Variants in SAMD12 observed in about 807,000 individuals in gnomAD.
SAMD12 encodes the protein sterile alpha motif domain-containing protein 12.
In SAMD12, 9 loss-of-function variants were observed where a neutral mutation model predicts 15.0. The ratio of observed to expected loss-of-function variants is 0.60; its 90% CI spans 0.36 to 1.05. The LOEUF (loss-of-function observed/expected upper bound fraction) is 1.05, where lower values mean the gene tolerates loss of function less well. SAMD12 is among the 50% of genes least tolerant of loss of function. The pLI is 0.01. For synonymous variants in SAMD12, 86 were observed against 90.1 expected, an observed-to-expected ratio of 0.96 and a Z score of 0.25; for missense variants, 230 against 234.2, an observed-to-expected ratio of 0.98 and a Z score of 0.12.
At chr8:118,143,916 C>A in the SAMD12 span, among the ~76,000 whole-genome samples, 8 of 152,260 alleles carry the variant, frequency 5.3e-5, no homozygotes, top group Non-Finnish European at 1.0e-4. Context: ...CACAAACTTG[C>A]TAGCTCAAAA....
chr8:118,209,221 A>T (rs1462335303), intron 4 of SAMD12, among the ~76,000 whole-genome samples: 1 of 152,200 alleles, frequency 6.6e-6, no homozygotes, highest in African/African-American at 2.4e-5. Flanking sequence ...ATGTCCAGAC[A>T]TTCCAGAAAA....
intron 4 of SAMD12, among the ~76,000 whole-genome samples, chr8:118,342,466 C>T (rs918969480): frequency 2.6e-5 from 4 of 152,100 alleles, no homozygotes; most frequent in Non-Finnish European, 5.9e-5. Flanking sequence ...AAGAGAAAAT[C>T]GAATATCTCC....
chr8:118,172,833 G>A, the SAMD12 span, among the ~76,000 whole-genome samples: 1 of 152,092 alleles, frequency 6.6e-6, no homozygotes. Flanking sequence ...AGGCACTGCT[G>A]TACAACAGAC....
chr8:118,477,396 T>C (rs1180267491), intron 2 of SAMD12, among the ~76,000 whole-genome samples: 2 of 152,266 alleles, frequency 1.3e-5, no homozygotes, highest in South Asian at 4.1e-4. Flanking sequence ...CAATTCAGAA[T>C]GGCTGTTTCA....
At chr8:118,344,212 C>T (rs1340365074) in intron 4 of SAMD12, among the ~76,000 whole-genome samples, 2 of 152,198 alleles carry the variant, frequency 1.3e-5, no homozygotes, top group Non-Finnish European at 2.9e-5. Flanking sequence ...CCCTATCCTG[C>T]TCAGGTTGAA....
At chr8:118,621,599 C>T (rs980773366) in intron 1 of SAMD12, 5 of 618,840 alleles carry the variant, frequency 8.1e-6, no homozygotes, top group African/African-American at 1.8e-5. Context: ...ACGCACCTAC[C>T]CTTCACGTCT....
chr8:118,294,326 T>G (rs1235538628), intron 4 of SAMD12, among the ~76,000 whole-genome samples: 1 of 152,190 alleles, frequency 6.6e-6, no homozygotes, highest in Non-Finnish European at 1.5e-5. Flanking sequence ...CTGAGCAGGC[T>G]GAAAAGACTG....
chr8:118,553,366 G>A (rs1170246744), intron 2 of SAMD12, among the ~76,000 whole-genome samples: 1 of 151,864 alleles, frequency 6.6e-6, no homozygotes, highest in Non-Finnish European at 1.5e-5. Context: ...AGAGCCCTCA[G>A]AAATAACGCC....
downstream of SAMD12, among the ~76,000 whole-genome samples, chr8:118,189,067 G>C (rs17451866): frequency 3.9e-5 from 6 of 152,212 alleles, no homozygotes; most frequent in East Asian, 1.9e-4. Flanking sequence ...AGAGGAAATC[G>C]GTGGGCCAAG....
Position 118,287,367 on chromosome 8 carries a change from C to A in SAMD12, c.434-89635G>T, listed in dbSNP as rs1037317625. ...GTCTTGATCTCCTGACCTCGTGATC[C>A]GCCCGCCTCGGCCTCCCAAAGGGCT... On this transcript the variant is annotated intron_variant, in intron 4 of 4. Coordinates refer to the SAMD12 transcript ENST00000409003. 4.0e-5 allele frequency among the ~76,000 whole-genome samples: 6 copies of A among 149,292 alleles called. No individual in the cohort carries two copies. The Admixed American group carries it at 4.1e-4, about 10-fold the overall frequency.
chr8:118,463,408 C>G (rs572154132), intron 2 of SAMD12, among the ~76,000 whole-genome samples: 2 of 152,258 alleles, frequency 1.3e-5, no homozygotes, highest in South Asian at 4.1e-4. Context: ...GAGAGCACAG[C>G]AGTGGCACAT....
intron 3 of SAMD12, among the ~76,000 whole-genome samples, chr8:118,428,824 A>G (rs1180257615): frequency 2.6e-5 from 4 of 152,154 alleles, no homozygotes; most frequent in Non-Finnish European, 5.9e-5. Context: ...TTCCAGTACC[A>G]TATTACCTTG....
chr8:118,161,316 G>T, the SAMD12 span, among the ~76,000 whole-genome samples: 1 of 152,170 alleles, frequency 6.6e-6, no homozygotes, highest in South Asian at 2.1e-4. Flanking sequence ...CTGCGTGTTG[G>T]CTCATGCCTA....
At chr8:118,325,042 T>G (rs1816501962) in intron 4 of SAMD12, among the ~76,000 whole-genome samples, 1 of 152,182 alleles carries the variant, frequency 6.6e-6, no homozygotes, top group African/African-American at 2.4e-5. Context: ...TGGGAAGAGA[T>G]GGCTACTCTT....
the SAMD12 span, among the ~76,000 whole-genome samples, chr8:118,177,161 C>T: frequency 6.6e-6 from 1 of 151,602 alleles, no homozygotes; most frequent in East Asian, 1.9e-4. Context: ...CAGTTGGTAG[C>T]AGATGATGCA....
At chr8:118,545,256 C>A (rs1046018746) in intron 2 of SAMD12, among the ~76,000 whole-genome samples, 7 of 152,214 alleles carry the variant, frequency 4.6e-5, no homozygotes, top group Non-Finnish European at 8.8e-5. Flanking sequence ...TACCTGAGGT[C>A]AGAAAGTGGA....
chr8:118,167,710 T>C, the SAMD12 span, among the ~76,000 whole-genome samples: 56 of 152,278 alleles, frequency 3.7e-4, no homozygotes, highest in African/African-American at 1.3e-3. Context: ...AGCCTCTTCC[T>C]TCCTTCAGCC....
chr8:118,438,231 G>A (rs1822629842), intron 3 of SAMD12, among the ~76,000 whole-genome samples: 1 of 152,112 alleles, frequency 6.6e-6, no homozygotes, highest in South Asian at 2.1e-4. Flanking sequence ...TGACAGAGAG[G>A]AAATGCATAA....
chr8:118,234,753 T>C (rs1347778422), intron 4 of SAMD12, among the ~76,000 whole-genome samples: 1 of 144,548 alleles, frequency 6.9e-6, no homozygotes, highest in Non-Finnish European at 1.5e-5. Context: ...AAGGAAGCAA[T>C]AAATAATACA....
Sources: gnomAD v4.1 joint callset for allele counts (sites outside exome capture counted in the v4.1 genomes callset) on GRCh38, gnomAD v4.1.1 for gene constraint, MANE v1.5 for transcripts, NCBI Gene and HGNC (gene_info 2026-07-23, HGNC 2026-07-21) for gene names.